MSH3: variants seen among roughly 807,000 people sequenced by gnomAD.
MSH3 encodes DNA mismatch repair protein Msh3.
In MSH3, 106 loss-of-function variants were observed where a neutral mutation model predicts 123.3. That is an observed-to-expected ratio of 0.86 (90% CI 0.73 to 1.01). MSH3 has a LOEUF of 1.01. MSH3 is among the 50% of genes least tolerant of loss of function. The pLI is 0.00. For missense variants in MSH3, 1,459 were observed against 1,347.6 expected, an observed-to-expected ratio of 1.08 and a Z score of -1.29; for synonymous variants, 515 against 481.4, an observed-to-expected ratio of 1.07 and a Z score of -0.91.
chr5:80,654,887 GC>G lies in MSH3; in HGVS notation c.161del (p.Ala54ValfsTer26), dbSNP rs773094831. On this transcript the variant is annotated frameshift_variant, in exon 1 of 24. Coordinates refer to ENST00000265081, the MANE Select transcript of MSH3 (RefSeq NM_002439.5). LOFTEE classifies it high-confidence loss of function. ...ADQVDPGAAAAAAAAAAAAPP... is the reference protein window; with the variant it reads ...ADQVDPGAAAXAAAAAAAAPP... ...CCAGGTGGACCCTGGCGCTGCAGCG[GC>G]TGCAGCGGCCGCAGCGGCCGCAGCG... 4.7e-6 allele frequency: 4 copies of G among 853,792 alleles called. No homozygotes were observed. The highest frequency in any genetic ancestry group is 5.0e-5 in the South Asian group (2 of 40,362). The allele number at this position is 853,792 out of a possible 1,614,324, so 52.9% of individuals were successfully genotyped here.
intron 12 of MSH3, among the ~76,000 whole-genome samples, chr5:80,751,668 A>T (rs1743842969): frequency 6.6e-6 from 1 of 152,164 alleles, no homozygotes; most frequent in African/African-American, 2.4e-5. Flanking sequence ...TTTAATAAGG[A>T]CATGGTCATA....
intron 19 of MSH3, among the ~76,000 whole-genome samples, chr5:80,795,121 G>T (rs939494324): frequency 1.3e-5 from 2 of 152,170 alleles, no homozygotes; most frequent in Non-Finnish European, 2.9e-5. Context: ...AGCGAGCTGG[G>T]ACTGTAACAG....
chr5:80,784,982 C>T (rs896791718), intron 17 of MSH3, among the ~76,000 whole-genome samples: 3 of 152,116 alleles, frequency 2.0e-5, no homozygotes, highest in African/African-American at 7.2e-5. Context: ...CATTTATGTA[C>T]AATACCTTAT....
At chr5:80,838,452 G>T (rs1283527122) in intron 20 of MSH3, among the ~76,000 whole-genome samples, 3 of 152,162 alleles carry the variant, frequency 2.0e-5, no homozygotes, top group Non-Finnish European at 4.4e-5. Flanking sequence ...ATGAGATAAT[G>T]CCGGTAAAAC....
intron 2 of MSH3, among the ~76,000 whole-genome samples, chr5:80,663,455 A>T (rs907557912): frequency 6.6e-6 from 1 of 151,876 alleles, no homozygotes; most frequent in African/African-American, 2.4e-5. Context: ...GTATGACAAG[A>T]ATGACCCAAT....
chr5:80,784,212 CAAAAAAAAAAAAAAAAAAAAAAAAAAAGG>C (rs1744460373), intron 17 of MSH3, among the ~76,000 whole-genome samples: 1 of 11,984 alleles, frequency 8.3e-5, no homozygotes, highest in African/African-American at 3.9e-4. Context: ...TACTACGTCG[CAAAAAAAAAAAAAAAAAAAAAAAAAAAGG>C]GAAATAAATA....
At chr5:80,808,808 T>C (rs1744947358) in intron 19 of MSH3, among the ~76,000 whole-genome samples, 1 of 146,834 alleles carries the variant, frequency 6.8e-6, no homozygotes, top group African/African-American at 2.5e-5. Flanking sequence ...TTTGAAAATA[T>C]TGGAAAGGGA....
chr5:80,748,323 A>G (rs1352084369), intron 12 of MSH3, among the ~76,000 whole-genome samples: 4 of 152,204 alleles, frequency 2.6e-5, no homozygotes, highest in Non-Finnish European at 5.9e-5. Flanking sequence ...TTTATTCTAT[A>G]AAATGGTCTC....
intron 11 of MSH3, 71 bp from the exon 12 acceptor site, chr5:80,744,435 G>C: frequency 3.8e-6 from 4 of 1,051,350 alleles, no homozygotes; most frequent in Non-Finnish European, 5.8e-6. Context: ...TTTAGAATCG[G>C]GGTATATGAA....
chr5:80,795,882 C>T (rs1290087501), intron 19 of MSH3, among the ~76,000 whole-genome samples: 1 of 151,722 alleles, frequency 6.6e-6, no homozygotes, highest in Non-Finnish European at 1.5e-5. Flanking sequence ...ATGGTGGCGC[C>T]TCCCTATGAT....
rs182318053 is a variant in MSH3 at position 80,672,184 on chromosome 5, A to C, written c.793-60A>C. On this transcript the variant is annotated intron_variant, in intron 4 of 23. Coordinates refer to ENST00000265081, the MANE Select transcript of MSH3 (RefSeq NM_002439.5). ...GATTAATTTTTAATAAAGTGAACCA[A>C]CATCACATAGGGAATCTTAAAATAT... is the stretch of plus-strand genomic sequence containing the variant. The C allele has an allele frequency of 1.7e-5, 20 of 1,206,340 alleles. No individual in the cohort carries two copies. The Admixed American group carries it at 2.8e-4, about 17-fold the overall frequency. The allele number at this position is 1,206,340 out of a possible 1,614,324, so 74.7% of individuals were successfully genotyped here.
At chr5:80,688,954 A>G (rs1750164693) in intron 8 of MSH3, among the ~76,000 whole-genome samples, 1 of 152,204 alleles carries the variant, frequency 6.6e-6, no homozygotes, top group South Asian at 2.1e-4. Flanking sequence ...TAATTCTTAG[A>G]TATTTAGAGC....
intron 19 of MSH3, among the ~76,000 whole-genome samples, chr5:80,795,361 G>T (rs796262584): frequency 5.3e-5 from 8 of 152,270 alleles, no homozygotes; most frequent in African/African-American, 1.9e-4. Flanking sequence ...ATAAACAACA[G>T]AAATTTATTC....
Position 80,778,810 on chromosome 5 carries a change from C to T in MSH3, c.2409C>T (p.Cys803=), listed in dbSNP as rs758926262. The change falls in exon 17 of 24, where the codon TGC becomes TGT. Residue 803 remains cysteine, a synonymous_variant. Coordinates refer to ENST00000265081, the MANE Select transcript of MSH3 (RefSeq NM_002439.5). ...NQLREQLVLD[C]SAEWLDFLEK... ...TCCGGGAGCAGCTAGTCCTTGACTGCAGTGCTGAATGGCTTGATTTTCTAG... is the reference window on the plus strand; with the variant it reads ...TCCGGGAGCAGCTAGTCCTTGACTGTAGTGCTGAATGGCTTGATTTTCTAG... 1.9e-6 allele frequency: 3 copies of T among 1,597,644 alleles called. No homozygotes were observed. Among genetic ancestry groups the T allele is most frequent in the African/African-American group, 1.3e-5 (1 of 74,632 alleles).
At chr5:80,854,502 G>A (rs771269353) in intron 21 of MSH3, among the ~76,000 whole-genome samples, 186 bp downstream of exon 21, 4 of 151,890 alleles carry the variant, frequency 2.6e-5, no homozygotes, top group Non-Finnish European at 4.4e-5. Context: ...ATTTTTTGTG[G>A]TGAGACATTT....
chr5:80,768,781 A>G, intron 14 of MSH3, 54 bp from the exon 15 acceptor site: 3 of 1,434,416 alleles, frequency 2.1e-6, no homozygotes, highest in East Asian at 4.6e-5. Flanking sequence ...AATAAGCGAT[A>G]ACTGCTGTAA....
chr5:80,862,561 G>C (rs1746031747), intron 21 of MSH3, among the ~76,000 whole-genome samples: 1 of 152,012 alleles, frequency 6.6e-6, no homozygotes, highest in Non-Finnish European at 1.5e-5. Context: ...TTCAAGACCA[G>C]CCTGGGTAAC....
intron 8 of MSH3, among the ~76,000 whole-genome samples, chr5:80,699,670 A>G (rs560835522): frequency 5.7e-4 from 87 of 151,964 alleles, no homozygotes; most frequent in Non-Finnish European, 1.0e-3. Flanking sequence ...ATACAGATGT[A>G]GCCAATTCAT....
At chr5:80,668,945 T>C (rs1749633599) in intron 3 of MSH3, among the ~76,000 whole-genome samples, 1 of 152,214 alleles carries the variant, frequency 6.6e-6, no homozygotes, top group Non-Finnish European at 1.5e-5. Flanking sequence ...CTGTGGAGCA[T>C]GCAGCCCTGG....
Sources: gnomAD v4.1 joint callset for allele counts (sites outside exome capture counted in the v4.1 genomes callset) on GRCh38, gnomAD v4.1.1 for gene constraint, MANE v1.5 for transcripts, NCBI Gene and HGNC (gene_info 2026-07-23, HGNC 2026-07-21) for gene names.